The following SPARC variants were observed in gnomAD, a reference collection of about 807,000 sequenced individuals.
The protein encoded by SPARC is basement-membrane protein 40.
Under a neutral mutation model 37.7 loss-of-function variants are expected in SPARC, and 23 were observed. That is an observed-to-expected ratio of 0.61 (90% CI 0.44 to 0.87). The LOEUF (loss-of-function observed/expected upper bound fraction) is 0.87. SPARC is among the 40% of genes least tolerant of loss of function. The pLI is 0.00. For missense variants in SPARC, 312 were observed against 389.0 expected, an observed-to-expected ratio of 0.80 and a Z score of 1.66; for synonymous variants, 155 against 150.8, an observed-to-expected ratio of 1.03 and a Z score of -0.20.
At position 151,666,519 on chromosome 5, in the gene SPARC, T is replaced by G; in HGVS notation, c.586-10A>C. The G allele has an allele frequency of 6.2e-7, 1 of 1,612,516 alleles. No individual in the cohort carries two copies. Among genetic ancestry groups the G allele is most frequent in the African/African-American group, 1.3e-5 (1 of 74,878 alleles). ...CATGGATCTTCTTCACCTGAGGGAG[T>G]AGAGACTGTGTGTGACAAGAGGTCC... On this transcript the variant is annotated splice_polypyrimidine_tract_variant and intron_variant, in intron 7 of 9. Transcript: ENST00000231061.
In SPARC at chr5:151,661,937, A is replaced by G. The variant is rs939699282; in HGVS notation, c.*1634T>C. 8.6e-5 allele frequency: 13 copies of G among 151,796 alleles called. No homozygotes were observed. The highest frequency in any genetic ancestry group is 3.1e-4 in the African/African-American group (13 of 41,302). 9.4% of individuals were successfully genotyped at this position (151,796 alleles called of 1,614,324 possible). ...GTTACACATACTCATGGTCTCTCCT[A>G]CTCTCCCTTCATCACACCTGTGACA... On this transcript the variant is annotated 3_prime_UTR_variant, in exon 10 of 10. Transcript: ENST00000231061.
chr5:151,675,594 A>G (rs144748457), intron 2 of SPARC, among the ~76,000 whole-genome samples: 5 of 152,326 alleles, frequency 3.3e-5, no homozygotes, highest in African/African-American at 1.2e-4. Context: ...ACTGTCCATT[A>G]GTTCTTAACT....
chr5:151,667,634 C>T (rs1242518564), intron 6 of SPARC, 34 bp from the exon 7 acceptor site: 3 of 1,610,992 alleles, frequency 1.9e-6, no homozygotes, highest in East Asian at 2.2e-5. Flanking sequence ...TCAGCACAGA[C>T]CCTGCCTGGG....
chr5:151,669,792 C>T lies in SPARC; in HGVS notation c.331-8G>A. 1 of 1,613,986 alleles carries T rather than the reference C, an allele frequency of 6.2e-7. No individual in the cohort carries two copies. Among genetic ancestry groups the T allele is most frequent in the Non-Finnish European group, 8.5e-7 (1 of 1,179,926 alleles). On this transcript the variant is annotated splice_region_variant and splice_polypyrimidine_tract_variant and intron_variant, in intron 5 of 9. Coordinates refer to ENST00000231061, the MANE Select transcript of SPARC (RefSeq NM_003118.4). ...GTTGTCATTGCTGCACACCTGTTGG[C>T]AAAGCACAGAGTACCCCCTCCTTCA...
intron 6 of SPARC, among the ~76,000 whole-genome samples, chr5:151,668,942 A>G (rs1760687782): frequency 6.6e-6 from 1 of 152,100 alleles, no homozygotes; most frequent in Admixed American, 6.5e-5. Context: ...GGGTGCCAGA[A>G]TACACAAGAC....
intron 4 of SPARC, chr5:151,671,917 C>G (rs1260925024): frequency 1.5e-5 from 8 of 532,564 alleles, no homozygotes; most frequent in Non-Finnish European, 2.3e-5. Context: ...AGATAGAGGT[C>G]AGGCACTTCT....
At chr5:151,670,762 T>A (rs1024921190) in intron 5 of SPARC, among the ~76,000 whole-genome samples, 4 of 152,170 alleles carry the variant, frequency 2.6e-5, no homozygotes, top group African/African-American at 9.7e-5. Context: ...AGCTTATATG[T>A]CACTGCAGAG....
intron 1 of SPARC, chr5:151,679,118 C>A (rs369561373): frequency 6.6e-6 from 1 of 152,162 alleles, no homozygotes; most frequent in African/African-American, 2.4e-5. Context: ...GCGTGCCTGG[C>A]GAAAATTTAA....
chr5:151,676,312 T>C, intron 1 of SPARC, 111 bp from the exon 2 acceptor site: 1 of 713,468 alleles, frequency 1.4e-6, no homozygotes, highest in Non-Finnish European at 2.4e-6. Flanking sequence ...AGTTAAATGA[T>C]AGTGAAAAAC....
rs1263718881 is a variant in SPARC, at chr5:151,671,673, C to T, written c.230G>A (p.Cys77Tyr). ...CAGCTCGCACACCTTGCCGTGTTTG[C>T]AGTGGTGGTTCTGGCAGGGATCTGT... Reference protein sequence around the residue: ...VAENPCQNHHCKHGKVCELDE... With the variant: ...VAENPCQNHHYKHGKVCELDE... The change falls in exon 5 of 10, where the codon TGC becomes TAC. Residue 77 changes from cysteine (C) to tyrosine (Y), a missense_variant. Transcript: ENST00000231061. 6.2e-7 allele frequency: 1 copy of T among 1,613,396 alleles called. No individual in the cohort carries two copies. Among genetic ancestry groups the T allele is most frequent in the Non-Finnish European group, 8.5e-7 (1 of 1,179,704 alleles).
chr5:151,682,725 A>C (rs1401495912), intron 1 of SPARC, among the ~76,000 whole-genome samples: 3 of 152,242 alleles, frequency 2.0e-5, no homozygotes, highest in Non-Finnish European at 4.4e-5. Context: ...GTCACACGGC[A>C]AGCTGGTGTC....
At chr5:151,676,239 G>T in intron 1 of SPARC, 38 bp from the exon 2 acceptor site, 1 of 1,424,890 alleles carries the variant, frequency 7.0e-7, no homozygotes, top group Non-Finnish European at 9.8e-7. Flanking sequence ...GTGAGGGTGA[G>T]ACTTCCTTAT....
intron 1 of SPARC, 107 bp from the exon 2 acceptor site, chr5:151,676,308 A>G (rs1760857032): frequency 2.7e-6 from 2 of 727,338 alleles, no homozygotes; most frequent in South Asian, 3.4e-5. Context: ...TACAAGTTAA[A>G]TGATAGTGAA....
Position 151,666,462 on chromosome 5 carries a change from G to A in SPARC, c.633C>T (p.His211=), listed in dbSNP as rs149306790. The A allele has an allele frequency of 2.1e-4, 335 of 1,614,148 alleles. 3 individuals carry two copies. In the East Asian group the frequency reaches 7.2e-3, roughly 34 times the overall value. The change falls in exon 8 of 10, where the codon CAC becomes CAT. Residue 211 remains histidine (H), a synonymous_variant. Transcript: ENST00000231061. ...AGTCCCGGGCCAGCAGCTCCACGGGGTGGTCTCCTGCCTCCAGGCGCTTCT... is the reference window on the plus strand; with the variant it reads ...AGTCCCGGGCCAGCAGCTCCACGGGATGGTCTCCTGCCTCCAGGCGCTTCT... The part of the protein sequence containing the change: ...ENEKRLEAGD[H]PVELLARDFE...
chr5:151,680,424 T>TG (rs1760962045), intron 1 of SPARC, among the ~76,000 whole-genome samples: 1 of 149,446 alleles, frequency 6.7e-6, no homozygotes, highest in South Asian at 2.1e-4. Flanking sequence ...TTTGTAGAGA[T>TG]GGGGCTTCAT....
At chr5:151,674,001 TGTGTGTGC>T (rs760668311) in intron 3 of SPARC, among the ~76,000 whole-genome samples, 1 of 140,562 alleles carries the variant, frequency 7.1e-6, no homozygotes, top group African/African-American at 2.6e-5. Flanking sequence ...TGTGTGTGTG[TGTGTGTGC>T]TTGTTTGTTT....
intron 1 of SPARC, among the ~76,000 whole-genome samples, chr5:151,684,745 A>C (rs924563846): frequency 2.6e-5 from 4 of 152,066 alleles, no homozygotes; most frequent in Admixed American, 6.6e-5. Flanking sequence ...CATTTCTTCT[A>C]CACACTATCT....
Position 151,664,178 on chromosome 5 carries a change from A to G in SPARC, c.792T>C (p.His264=). The G allele has an allele frequency of 1.2e-6, 2 of 1,614,156 alleles. No homozygotes were observed. Among genetic ancestry groups the G allele is most frequent in the Non-Finnish European group, 8.5e-7 (1 of 1,180,010 alleles). ...PLRAPLIPME[H]CTTRFFETCD... ...AGGTCTCGAAAAAGCGGGTGGTGCAATGCTCCATGGGGATGAGGGGAGCAC... is the reference window on the plus strand; with the variant it reads ...AGGTCTCGAAAAAGCGGGTGGTGCAGTGCTCCATGGGGATGAGGGGAGCAC... The change falls in exon 9 of 10, where the codon CAT becomes CAC. Residue 264 remains histidine (H), a synonymous_variant. Transcript: ENST00000231061.
intron 1 of SPARC, among the ~76,000 whole-genome samples, chr5:151,680,444 C>T (rs1760962716): frequency 6.6e-6 from 1 of 151,726 alleles, no homozygotes; most frequent in Non-Finnish European, 1.5e-5. Flanking sequence ...TTATGTTGCC[C>T]AGGCTGGTCT....
Sources: gnomAD v4.1 joint callset for allele counts (sites outside exome capture counted in the v4.1 genomes callset) on GRCh38, gnomAD v4.1.1 for gene constraint, MANE v1.5 for transcripts, NCBI Gene and HGNC (gene_info 2026-07-23, HGNC 2026-07-21) for gene names.